KAZN: variants seen among roughly 807,000 people sequenced by gnomAD.
KAZN encodes the protein kazrin, periplakin interacting protein.
In KAZN, 40 loss-of-function variants were observed where a neutral mutation model predicts 87.4. The ratio of observed to expected loss-of-function variants is 0.46; its 90% CI spans 0.36 to 0.60. KAZN has a LOEUF of 0.60. Among genes scored for constraint, KAZN ranks in the 20% least tolerant of loss-of-function variants. The pLI is 0.00. For synonymous variants in KAZN, 466 were observed against 458.3 expected, an observed-to-expected ratio of 1.02 and a Z score of -0.22; for missense variants, 898 against 1,073.9, an observed-to-expected ratio of 0.84 and a Z score of 2.29.
rs559279283 is a variant in KAZN, at chr1:14,578,064, C to A, written c.250-20919C>A. 5.3e-4 allele frequency among the ~76,000 whole-genome samples: 80 copies of A among 152,226 alleles called. 1 individual carries two copies. The highest frequency in any genetic ancestry group is 1.9e-3 in the South Asian group (9 of 4,808). ...ACACTGAGGATAATAAGTGCATCTA[C>A]CCCCTACTTGTCAGGATATTCAATG... On this transcript the variant is annotated intron_variant, in intron 2 of 16. Transcript: ENST00000636203.
chr1:14,455,005 C>T (rs1667486694), intron 2 of KAZN, among the ~76,000 whole-genome samples: 1 of 152,136 alleles, frequency 6.6e-6, no homozygotes, highest in African/African-American at 2.4e-5. Flanking sequence ...CCATTCCTCA[C>T]CTTGTGGGCT....
Position 14,432,023 on chromosome 1 carries a change from C to A in KAZN, c.250-166960C>A, listed in dbSNP as rs1356611285. The stretch of plus-strand genomic sequence containing the variant: ...TGGAGAACCCTGACTAATATAGGAA[C>A]CAAACATGGTGTGAAGAGTAAGGAT... On this transcript the variant is annotated intron_variant, in intron 2 of 16. Coordinates refer to the KAZN transcript ENST00000636203. Among the ~76,000 whole-genome samples the A allele has an allele frequency of 2.0e-5, 3 of 152,128 alleles. No individual in the cohort carries two copies. The East Asian group carries it at 5.8e-4, about 29-fold the overall frequency.
intron 1 of KAZN, among the ~76,000 whole-genome samples, chr1:14,811,186 G>A (rs1169970102): frequency 1.3e-5 from 2 of 152,144 alleles, no homozygotes; most frequent in African/African-American, 4.8e-5. Context: ...TTTTTGTGGT[G>A]CTTTTTCTTC....
chr1:14,276,182 TG>T (rs1315622145), intron 2 of KAZN, among the ~76,000 whole-genome samples: 2 of 151,630 alleles, frequency 1.3e-5, no homozygotes, highest in Non-Finnish European at 2.9e-5. Flanking sequence ...TGTGTGTGTG[TG>T]TGTGTGTGTG....
chr1:14,128,581 C>G (rs1194924364), intron 1 of KAZN, among the ~76,000 whole-genome samples: 2 of 152,102 alleles, frequency 1.3e-5, no homozygotes, highest in African/African-American at 4.8e-5. Flanking sequence ...CCCAAATTTC[C>G]TCTTCTCAGA....
chr1:14,897,316 A>T (rs1655382415), intron 1 of KAZN, among the ~76,000 whole-genome samples: 1 of 152,160 alleles, frequency 6.6e-6, no homozygotes, highest in Non-Finnish European at 1.5e-5. Flanking sequence ...CAAGAGAATG[A>T]CACATGCTGA....
chr1:14,803,566 GC>G (rs1646109068), intron 1 of KAZN, among the ~76,000 whole-genome samples: 1 of 152,242 alleles, frequency 6.6e-6, no homozygotes, highest in African/African-American at 2.4e-5. Context: ...CGCCCTGAGT[GC>G]CCGTGGCTCT....
chr1:14,562,793 C>T (rs1282776344), intron 2 of KAZN, among the ~76,000 whole-genome samples: 1 of 152,196 alleles, frequency 6.6e-6, no homozygotes, highest in Non-Finnish European at 1.5e-5. Flanking sequence ...TTATTAATGA[C>T]AGAACTTTAA....
chr1:14,835,400 G>A (rs559003663), intron 1 of KAZN, among the ~76,000 whole-genome samples: 4 of 152,268 alleles, frequency 2.6e-5, no homozygotes, highest in South Asian at 2.1e-4. Context: ...CTTGTACCCC[G>A]TAGGCAGAGC....
chr1:14,366,019 T>G (rs772861273), intron 2 of KAZN, among the ~76,000 whole-genome samples: 1 of 152,178 alleles, frequency 6.6e-6, no homozygotes, highest in Non-Finnish European at 1.5e-5. Context: ...AAAATGTAAA[T>G]TGCTTGGAAA....
intron 1 of KAZN, among the ~76,000 whole-genome samples, chr1:14,723,757 C>T (rs1176980865): frequency 6.6e-6 from 1 of 152,114 alleles, no homozygotes; most frequent in Non-Finnish European, 1.5e-5. Context: ...GCTCCTGATC[C>T]CAAAAGCTAG....
chr1:14,109,597 G>T (rs1557482670), intron 1 of KAZN, among the ~76,000 whole-genome samples: 1 of 151,998 alleles, frequency 6.6e-6, no homozygotes, highest in Non-Finnish European at 1.5e-5. Context: ...AGTGATTTTG[G>T]CCCTTACCCT....
intron 1 of KAZN, among the ~76,000 whole-genome samples, chr1:14,750,042 C>T (rs954892454): frequency 3.3e-5 from 5 of 152,100 alleles, no homozygotes; most frequent in Non-Finnish European, 7.4e-5. Flanking sequence ...ATGCAAAAAC[C>T]AGTGACATCT....
chr1:13,979,859 A>T (rs2101072011), intron 1 of KAZN, among the ~76,000 whole-genome samples: 1 of 144,820 alleles, frequency 6.9e-6, no homozygotes. Context: ...TGAACCCTGG[A>T]GGCAGAGCTT....
chr1:14,477,706 G>A (rs2148383560), intron 2 of KAZN, among the ~76,000 whole-genome samples: 1 of 152,178 alleles, frequency 6.6e-6, no homozygotes, highest in East Asian at 1.9e-4. Context: ...ACTTCCAAAG[G>A]GGAAAGAAGT....
intron 2 of KAZN, among the ~76,000 whole-genome samples, chr1:14,275,927 A>C (rs1652308298): frequency 6.6e-6 from 1 of 152,196 alleles, no homozygotes; most frequent in Non-Finnish European, 1.5e-5. Context: ...CTGAACTCCT[A>C]TTCAACCATG....
At chr1:14,422,902 G>A (rs919666213) in intron 2 of KAZN, among the ~76,000 whole-genome samples, 3 of 152,206 alleles carry the variant, frequency 2.0e-5, no homozygotes, top group African/African-American at 7.2e-5. Flanking sequence ...ATATTCTTCA[G>A]CTCTATTTGA....
chr1:14,651,383 G>A (rs1455205098), intron 1 of KAZN, among the ~76,000 whole-genome samples: 1 of 152,158 alleles, frequency 6.6e-6, no homozygotes, highest in Non-Finnish European at 1.5e-5. Flanking sequence ...TAATGATTGG[G>A]GAGGTTTTCT....
chr1:14,727,164 G>A (rs1183444731), intron 1 of KAZN, among the ~76,000 whole-genome samples: 6 of 152,028 alleles, frequency 3.9e-5, no homozygotes, highest in Admixed American at 1.3e-4. Flanking sequence ...CCGAAAAAGT[G>A]TTTTTCTCTC....
Sources: gnomAD v4.1 joint callset for allele counts (sites outside exome capture counted in the v4.1 genomes callset) on GRCh38, gnomAD v4.1.1 for gene constraint, MANE v1.5 for transcripts, NCBI Gene and HGNC (gene_info 2026-07-23, HGNC 2026-07-21) for gene names.